SEMA3A: variants seen among roughly 807,000 people sequenced by gnomAD.
The protein encoded by SEMA3A is semaphorin-3A.
Under a neutral mutation model 97.9 loss-of-function variants are expected in SEMA3A, and 29 were observed. The observed-to-expected ratio is 0.30, with a 90% CI of 0.22 to 0.40. The LOEUF (loss-of-function observed/expected upper bound fraction) is 0.40. Among genes scored for constraint, SEMA3A ranks in the 10% least tolerant of loss-of-function variants. SEMA3A has a pLI of 1.00. For synonymous variants in SEMA3A, 321 were observed against 323.7 expected, an observed-to-expected ratio of 0.99 and a Z score of 0.09; for missense variants, 763 against 951.3, an observed-to-expected ratio of 0.80 and a Z score of 2.60.
chr7:83,962,128 A>G (rs1788496438), intron 16 of SEMA3A, among the ~76,000 whole-genome samples: 4 of 152,262 alleles, frequency 2.6e-5, no homozygotes, highest in Middle Eastern at 6.8e-3. Flanking sequence ...TACATTTGAA[A>G]GTAGGTATAT....
intron 4 of SEMA3A, among the ~76,000 whole-genome samples, chr7:84,100,424 C>G (rs1038029042): frequency 1.2e-4 from 18 of 152,230 alleles, no homozygotes; most frequent in African/African-American, 3.8e-4. Flanking sequence ...ACAAAACAAT[C>G]ATGAAAAACC....
At chr7:84,325,594 G>A (rs1484535561) in intron 2 of SEMA3A, among the ~76,000 whole-genome samples, 2 of 151,878 alleles carry the variant, frequency 1.3e-5, no homozygotes, top group Non-Finnish European at 2.9e-5. Flanking sequence ...ATATATGAGG[G>A]AGTATAACCA....
chr7:84,032,946 G>A (rs1791812399), intron 6 of SEMA3A, among the ~76,000 whole-genome samples: 1 of 151,826 alleles, frequency 6.6e-6, no homozygotes, highest in Admixed American at 6.6e-5. Flanking sequence ...TGTATAATTT[G>A]TGGTTTCATA....
intron 1 of SEMA3A, among the ~76,000 whole-genome samples, chr7:84,388,284 G>T (rs745491471): frequency 6.6e-6 from 1 of 152,044 alleles, no homozygotes; most frequent in Non-Finnish European, 1.5e-5. Context: ...TCTCGGGGAA[G>T]TTGGTAGTTA....
chr7:84,092,981 GATA>G (rs1223398235), intron 4 of SEMA3A, among the ~76,000 whole-genome samples: 2 of 151,930 alleles, frequency 1.3e-5, no homozygotes, highest in Non-Finnish European at 2.9e-5. Context: ...AAAATTACAG[GATA>G]ATATTTGTTA....
chr7:84,446,867 G>A (rs1805426460), intron 1 of SEMA3A, among the ~76,000 whole-genome samples: 1 of 152,082 alleles, frequency 6.6e-6, no homozygotes, highest in Non-Finnish European at 1.5e-5. Flanking sequence ...GCTGGCGGAG[G>A]TCAGGAACAG....
At chr7:84,052,075 C>T (rs1273468728) in intron 5 of SEMA3A, among the ~76,000 whole-genome samples, 117 of 152,164 alleles carry the variant, frequency 7.7e-4, no homozygotes, top group African/African-American at 1.0e-3. Flanking sequence ...TTGATCATGG[C>T]GGATAAGCTT....
At chr7:84,411,497 C>T (rs1020542281) in intron 1 of SEMA3A, among the ~76,000 whole-genome samples, 1 of 151,508 alleles carries the variant, frequency 6.6e-6, no homozygotes, top group Admixed American at 6.6e-5. Context: ...TTGTATTAAA[C>T]CTATTTCAAA....
At chr7:84,318,658 C>A (rs574181828) in intron 2 of SEMA3A, among the ~76,000 whole-genome samples, 1 of 152,122 alleles carries the variant, frequency 6.6e-6, no homozygotes, top group African/African-American at 2.4e-5. Flanking sequence ...ATTGATAGAA[C>A]AGAGCTGATG....
intron 1 of SEMA3A, among the ~76,000 whole-genome samples, chr7:84,475,587 A>G (rs1276190521): frequency 6.6e-6 from 1 of 152,220 alleles, no homozygotes; most frequent in Non-Finnish European, 1.5e-5. Context: ...TAAAAAGAAA[A>G]TTCACATAAC....
intron 1 of SEMA3A, among the ~76,000 whole-genome samples, chr7:84,384,384 T>C (rs1584280517): frequency 6.6e-6 from 1 of 152,202 alleles, no homozygotes; most frequent in East Asian, 1.9e-4. Context: ...CATATAAATC[T>C]GTTAAAAATA....
At chr7:84,300,027 A>T (rs2115821699) in intron 3 of SEMA3A, among the ~76,000 whole-genome samples, 2 of 133,784 alleles carry the variant, frequency 1.5e-5, no homozygotes, top group Non-Finnish European at 3.2e-5. Context: ...AGTGAGACTC[A>T]GTCACAAAAA....
chr7:84,376,822 A>G (rs949666500), intron 1 of SEMA3A, among the ~76,000 whole-genome samples: 1 of 151,674 alleles, frequency 6.6e-6, no homozygotes, highest in Non-Finnish European at 1.5e-5. Context: ...AATTCAGATT[A>G]TTTGCATATT....
At chr7:84,148,716 A>G (rs1056727794) in intron 1 of SEMA3A, among the ~76,000 whole-genome samples, 1 of 152,160 alleles carries the variant, frequency 6.6e-6, no homozygotes, top group Non-Finnish European at 1.5e-5. Context: ...TGCCACCCCT[A>G]ACACAGCAAG....
At chr7:84,400,633 A>C (rs56390985) in intron 1 of SEMA3A, among the ~76,000 whole-genome samples, 3,674 of 152,262 alleles carry the variant, frequency 0.024, 137 homozygotes, top group African/African-American at 0.084. Flanking sequence ...CAAGATCTAG[A>C]AAATAGCCTC....
chr7:84,282,360 C>T (rs1403217709), intron 3 of SEMA3A, among the ~76,000 whole-genome samples: 1 of 152,106 alleles, frequency 6.6e-6, no homozygotes, highest in Non-Finnish European at 1.5e-5. Flanking sequence ...GAACAGCTAA[C>T]CTCCAAAAGC....
Position 83,957,896 on chromosome 7 carries a change from A to G in SEMA3A, c.*3475T>C, listed in dbSNP as rs181288582. 2 of 152,062 alleles carry G rather than the reference A, an allele frequency of 1.3e-5. No homozygotes were observed. The highest frequency in any genetic ancestry group is 2.9e-5 in the Non-Finnish European group (2 of 67,952). 9.4% of individuals were successfully genotyped at this position (152,062 alleles called of 1,614,324 possible). A position where few individuals can be genotyped will look rare whatever the true frequency, so the allele number is the denominator to read the frequency against. On this transcript the variant is annotated 3_prime_UTR_variant, in exon 17 of 17. Transcript: ENST00000265362. The stretch of plus-strand genomic sequence containing the variant: ...CCTATTTAAGTCTGTCTTTGAAACC[A>G]TGAAACCTGATACAGTTTCATTAAA...
At chr7:84,044,660 A>T (rs1327475584) in intron 6 of SEMA3A, among the ~76,000 whole-genome samples, 14 of 152,008 alleles carry the variant, frequency 9.2e-5, no homozygotes, top group Non-Finnish European at 8.8e-5. Context: ...TCATGGAAGT[A>T]ATTATTGGAT....
chr7:83,985,701 T>C (rs889629075), intron 12 of SEMA3A, among the ~76,000 whole-genome samples: 1 of 152,148 alleles, frequency 6.6e-6, no homozygotes, highest in Non-Finnish European at 1.5e-5. Context: ...TACATACCTG[T>C]AGTTGACCAA....
Sources: gnomAD v4.1 joint callset for allele counts (sites outside exome capture counted in the v4.1 genomes callset) on GRCh38, gnomAD v4.1.1 for gene constraint, MANE v1.5 for transcripts, NCBI Gene and HGNC (gene_info 2026-07-23, HGNC 2026-07-21) for gene names.